Variants in NCF2 observed in about 807,000 individuals in gnomAD.
NCF2 encodes the protein neutrophil cytosol factor 2.
NCF2 carries 45 observed loss-of-function variants against 70.9 expected under a neutral mutation model. The ratio of observed to expected loss-of-function variants is 0.63; its 90% CI spans 0.50 to 0.81. NCF2 has a LOEUF of 0.81. Ranked by LOEUF, NCF2 falls within the 40% of genes least tolerant of loss-of-function variation. NCF2 has a pLI of 0.00. For synonymous variants in NCF2, 203 were observed against 233.6 expected (o/e 0.87, Z 1.19); for missense variants, 522 against 631.6 (o/e 0.83, Z 1.86).
At chr1:183,557,356 TC>T (rs1291126966) in intron 14 of NCF2, among the ~76,000 whole-genome samples, 1 of 152,242 alleles carries the variant, frequency 6.6e-6, no homozygotes, top group Non-Finnish European at 1.5e-5. Context: ...TTTCAAAAGT[TC>T]CCTTAGGTAA....
Position 183,556,038 on chromosome 1 carries a change from G to C in NCF2, c.*80C>G, listed in dbSNP as rs1010339746. The C allele has an allele frequency of 8.8e-6, 10 of 1,136,660 alleles. No individual in the cohort carries two copies. The allele number at this position is 1,136,660 out of a possible 1,614,324, so 70.4% of individuals were successfully genotyped here. On this transcript the variant is annotated 3_prime_UTR_variant, in exon 15 of 15. Coordinates refer to ENST00000367535, the MANE Select transcript of NCF2 (RefSeq NM_000433.4). ...TTCCAAACTGTAATGTCTCAGTACA[G>C]TATACAGCAGAAGGGTGCTAAATCT... is the stretch of plus-strand genomic sequence containing the variant.
At chr1:183,558,624 G>A (rs1436857734) in intron 14 of NCF2, among the ~76,000 whole-genome samples, 1 of 151,990 alleles carries the variant, frequency 6.6e-6, no homozygotes, top group Non-Finnish European at 1.5e-5. Context: ...GGAGGGCAGT[G>A]GTGCAATCTC....
upstream of NCF2, among the ~76,000 whole-genome samples, chr1:183,595,735 C>T (rs149475492): frequency 3.3e-5 from 5 of 152,326 alleles, no homozygotes; most frequent in African/African-American, 4.8e-5. Context: ...AAGGAGTCAC[C>T]TGATTAGGCC....
intron 7 of NCF2, 82 bp downstream of exon 7, chr1:183,569,060 T>G: frequency 7.3e-7 from 1 of 1,361,090 alleles, no homozygotes; most frequent in Non-Finnish European, 1.1e-6. Flanking sequence ...TGACCCCACC[T>G]TCATCTTCTT....
intron 2 of NCF2, among the ~76,000 whole-genome samples, chr1:183,586,334 C>T (rs576906858): frequency 5.8e-4 from 88 of 151,946 alleles, no homozygotes; most frequent in African/African-American, 1.9e-3. Context: ...AACTCTGTCT[C>T]GGAAAAAGAA....
In NCF2 at chr1:183,567,248, T is replaced by C; in HGVS notation, c.811A>G (p.Lys271Glu). Reference protein sequence around the residue: ...VMPGNIVFVLKKGNDNWATVM... With the variant: ...VMPGNIVFVLEKGNDNWATVM... ...GTGGCCCAGTTATCATTGCCCTTCTTCAAGACAAAGACAATGTTCCCTGGC... is the reference window on the plus strand; with the variant it reads ...GTGGCCCAGTTATCATTGCCCTTCTCCAAGACAAAGACAATGTTCCCTGGC... Residue 271 changes from lysine to glutamate, a missense_variant, in exon 8 of 15, where the codon AAG (lysine) becomes GAG (glutamate). Transcript: ENST00000367535. The C allele has an allele frequency of 6.2e-7, 1 of 1,614,152 alleles. No homozygotes were observed. Among genetic ancestry groups the C allele is most frequent in the South Asian group, 1.1e-5 (1 of 91,076 alleles).
At chr1:183,561,487 C>T (rs1030171532) in intron 13 of NCF2, among the ~76,000 whole-genome samples, 2 of 152,148 alleles carry the variant, frequency 1.3e-5, no homozygotes, top group African/African-American at 4.8e-5. Context: ...AGATGACATA[C>T]AATAATAGTA....
At chr1:183,599,482 CT>C in the NCF2 span, among the ~76,000 whole-genome samples, 154 of 73,030 alleles carry the variant, frequency 2.1e-3, no homozygotes, top group African/African-American at 8.0e-3. Context: ...TTCTTTCTTT[CT>C]CTTTTCTTTC....
rs139657658 is a variant in NCF2 at position 183,576,535 on chromosome 1, C to A, written c.366+1064G>T. ...AGTTCCCACGATGCGCAGGACGCACCACAACCCCTCTCTCGCCTCTGCTAC... is the reference window on the plus strand; with the variant it reads ...AGTTCCCACGATGCGCAGGACGCACAACAACCCCTCTCTCGCCTCTGCTAC... On this transcript the variant is annotated intron_variant, in intron 3 of 14. Transcript: ENST00000367535. Among the ~76,000 whole-genome samples the A allele has an allele frequency of 8.3e-3, 1,259 of 152,270 alleles. 14 individuals carry two copies. The highest frequency in any genetic ancestry group is 0.017 in the Middle Eastern group (5 of 294).
intron 14 of NCF2, among the ~76,000 whole-genome samples, chr1:183,558,355 C>T (rs549528752): frequency 6.6e-6 from 1 of 151,118 alleles, no homozygotes; most frequent in Admixed American, 6.6e-5. Flanking sequence ...GCAACCTCCT[C>T]CTCCTGGGTT....
In NCF2 at chr1:183,556,082, C is replaced by G; in HGVS notation, c.*36G>C. On this transcript the variant is annotated 3_prime_UTR_variant, in exon 15 of 15. Transcript: ENST00000367535. ...TAAATCTTACAAACAAGTAATAGGG[C>G]TTCATTTTCTTCAGCTTTGTAGTTT... 6.5e-7 allele frequency: 1 copy of G among 1,539,090 alleles called. No homozygotes were observed. Among genetic ancestry groups the G allele is most frequent in the Non-Finnish European group, 9.0e-7 (1 of 1,111,698 alleles).
intron 11 of NCF2, 79 bp from the exon 12 acceptor site, chr1:183,563,664 A>C: frequency 6.3e-7 from 1 of 1,578,036 alleles, no homozygotes; most frequent in East Asian, 2.2e-5. Context: ...CAGTTTCGTG[A>C]TTTGGCACAG....
rs183590051 is a variant in NCF2, at chr1:183,581,769, G to A, written c.258-4062C>T. ...CTGGAAGCTCCGCCTCCCGGTTCAC[G>A]CCATTCTCCTGCCTCAGCCTCCCGA... On this transcript the variant is annotated intron_variant, in intron 2 of 14. Transcript: ENST00000367535. Among the ~76,000 whole-genome samples, 42 of 151,922 alleles carry A rather than the reference G, an allele frequency of 2.8e-4. No individual in the cohort carries two copies. The South Asian group carries it at 3.9e-3, about 14-fold the overall frequency.
chr1:183,585,802 G>A (rs188165376), intron 2 of NCF2, among the ~76,000 whole-genome samples: 3 of 152,166 alleles, frequency 2.0e-5, no homozygotes, highest in Admixed American at 2.0e-4. Context: ...AGGATGAGAG[G>A]GAGGAGGAAT....
chr1:183,595,943 AC>A, the NCF2 span, among the ~76,000 whole-genome samples: 1 of 152,092 alleles, frequency 6.6e-6, no homozygotes, highest in Admixed American at 6.5e-5. Context: ...CACCTGCCAC[AC>A]CTCAGCAGCT....
the NCF2 span, among the ~76,000 whole-genome samples, chr1:183,596,054 G>A: frequency 6.6e-6 from 1 of 151,976 alleles, no homozygotes; most frequent in Non-Finnish European, 1.5e-5. Context: ...TCAAGCACAT[G>A]TGATTGTAAT....
chr1:183,598,606 C>T, the NCF2 span, among the ~76,000 whole-genome samples: 1 of 151,738 alleles, frequency 6.6e-6, no homozygotes. Flanking sequence ...TTACTAAGGA[C>T]AGCACAAAGG....
intron 2 of NCF2, among the ~76,000 whole-genome samples, chr1:183,584,086 C>T (rs1673231315): frequency 6.6e-6 from 1 of 151,784 alleles, no homozygotes; most frequent in South Asian, 2.1e-4. Context: ...AGAGACATTC[C>T]CTGGATGGAT....
intron 3 of NCF2, 58 bp from the exon 4 acceptor site, chr1:183,574,679 G>A: frequency 3.1e-6 from 5 of 1,597,460 alleles, no homozygotes; most frequent in Non-Finnish European, 4.3e-6. Context: ...AAGGTGCCAG[G>A]GAAAGGCTCA....
Sources: gnomAD v4.1 joint callset for allele counts (sites outside exome capture counted in the v4.1 genomes callset) on GRCh38, gnomAD v4.1.1 for gene constraint, MANE v1.5 for transcripts, NCBI Gene and HGNC (gene_info 2026-07-23, HGNC 2026-07-21) for gene names.